HECTD4: variants seen among roughly 807,000 people sequenced by gnomAD.
HECTD4 encodes HECT domain E3 ubiquitin protein ligase 4.
In HECTD4, 114 loss-of-function variants were observed where a neutral mutation model predicts 471.5. The observed-to-expected ratio is 0.24, with a 90% confidence interval of 0.21 to 0.28. HECTD4 has a LOEUF of 0.28. HECTD4 is among the 10% of genes least tolerant of loss of function. The pLI, the probability that HECTD4 is intolerant of heterozygous loss-of-function variation, is 1.00. For synonymous variants in HECTD4, 2,012 were observed against 2,256.0 expected (o/e 0.89, Z 3.07); for missense variants, 3,866 against 5,651.5 (o/e 0.68, Z 10.13).
Position 112,194,340 on chromosome 12 carries a change from C to T in HECTD4, c.8749+545G>A, listed in dbSNP as rs1346578961. Among the ~76,000 whole-genome samples, 3 of 152,110 alleles carry T rather than the reference C, an allele frequency of 2.0e-5. No homozygotes were observed. The highest frequency in any genetic ancestry group is 1.3e-4 in the Admixed American group (2 of 15,280). ...GTTCCCATCTTAGTTGCTGGGAGAT[C>T]GAGGCGGCAGGCTGGAGGCTGAGAT... On this transcript the variant is annotated intron_variant, in intron 56 of 75. Transcript: ENST00000682272. This position sits in a 1 kb window ranked among gnomAD's most constrained non-coding sequence, Gnocchi z 4.6.
chr12:112,371,491 C>T (rs1383596684), intron 1 of HECTD4, among the ~76,000 whole-genome samples: 1 of 152,036 alleles, frequency 6.6e-6, no homozygotes, highest in Non-Finnish European at 1.5e-5. Flanking sequence ...AGAAGAATAG[C>T]TTGAACCCAA....
Position 112,163,120 on chromosome 12 carries a change from G to A in HECTD4, c.13042C>T (p.Pro4348Ser). The A allele has an allele frequency of 6.2e-7, 1 of 1,613,988 alleles. No homozygotes were observed. Among genetic ancestry groups the A allele is most frequent in the Non-Finnish European group, 8.5e-7 (1 of 1,179,878 alleles). ...CNQERIPFTC[P>S]CKDGGPDTAH... is the part of the protein sequence containing the mutation. Reference sequence around the variant, plus strand: ...GTGTCGGGACCCCCATCTTTGCAGGGGCAGGTGAACGGGATGCGCTCCTGG... The same window carrying A: ...GTGTCGGGACCCCCATCTTTGCAGGAGCAGGTGAACGGGATGCGCTCCTGG... Residue 4348 changes from proline to serine, a missense_variant, in exon 75 of 76, where the codon CCC becomes TCC. This residue lies in a region of HECTD4 where 715 missense variants were observed against 1,087.6 expected (regional missense o/e 0.66). Coordinates refer to ENST00000682272, the MANE Select transcript of HECTD4 (RefSeq NM_001388303.1). This position sits in a 1 kb window ranked among gnomAD's most constrained non-coding sequence, Gnocchi z 8.2.
chr12:112,365,036 T>C (rs2036532251), intron 1 of HECTD4, among the ~76,000 whole-genome samples: 1 of 152,230 alleles, frequency 6.6e-6, no homozygotes, highest in Non-Finnish European at 1.5e-5. Context: ...AAACAGCTAG[T>C]TGGCTGGATA....
intron 22 of HECTD4, among the ~76,000 whole-genome samples, 192 bp from the exon 23 acceptor site, chr12:112,252,720 G>A (rs761088351): frequency 3.2e-4 from 49 of 152,100 alleles, no homozygotes; most frequent in Non-Finnish European, 6.3e-4. Context: ...CTCTCCTGAT[G>A]AGGTCGCCTT....
At chr12:112,302,579 G>C in intron 7 of HECTD4, 2 of 676,474 alleles carry the variant, frequency 3.0e-6, no homozygotes, top group Non-Finnish European at 5.4e-6. Flanking sequence ...TTCTCAAACA[G>C]GGAATTCACC....
At chr12:112,270,976 G>A (rs1402469070) in intron 11 of HECTD4, among the ~76,000 whole-genome samples, 2 of 152,098 alleles carry the variant, frequency 1.3e-5, no homozygotes, top group African/African-American at 2.4e-5. Flanking sequence ...GAAAATGCCC[G>A]TTAGATAACC....
intron 1 of HECTD4, among the ~76,000 whole-genome samples, chr12:112,328,302 C>A: frequency 6.6e-6 from 1 of 152,010 alleles, no homozygotes. Context: ...CTATGCCTAG[C>A]TAATTTAAAC....
intron 1 of HECTD4, among the ~76,000 whole-genome samples, chr12:112,354,208 G>A (rs1444499969): frequency 3.3e-5 from 5 of 152,038 alleles, no homozygotes; most frequent in East Asian, 1.9e-4. Context: ...GAGTAGGCAC[G>A]TACTACCGTG....
At chr12:112,338,548 A>C (rs1566117017) in intron 1 of HECTD4, among the ~76,000 whole-genome samples, 1 of 152,108 alleles carries the variant, frequency 6.6e-6, no homozygotes, top group Admixed American at 6.6e-5. Context: ...TGAACCCAGG[A>C]GGCGCAGGTT....
intron 1 of HECTD4, among the ~76,000 whole-genome samples, chr12:112,332,258 C>T (rs1460053359): frequency 6.6e-6 from 1 of 152,026 alleles, no homozygotes; most frequent in Non-Finnish European, 1.5e-5. Context: ...TGGGGCAGGG[C>T]GCGGTGGCTC....
Position 112,163,079 on chromosome 12 carries a change from C to T in HECTD4, c.13083G>A (p.Pro4361=), listed in dbSNP as rs183882784. ...DGGPDTAHVP[P]YPMKIAPPDG... ...CTGGGGGGGCGATCTTCATGGGGTA[C>T]GGGGGCACATGGGCAGTGTCGGGAC... The change falls in exon 75 of 76, where the codon CCG becomes CCA. Residue 4361 remains proline, a synonymous_variant. Transcript: ENST00000682272. The surrounding 1 kb of genome is among the most constrained non-coding windows in gnomAD (Gnocchi z 8.2). 11,047 of 1,613,118 alleles carry T rather than the reference C, an allele frequency of 6.8e-3. 61 individuals are homozygous for T. The highest frequency in any genetic ancestry group is 7.8e-3 in the Middle Eastern group (47 of 6,056).
At chr12:112,167,955 C>A (rs1456254805) in intron 70 of HECTD4, 38 bp from the exon 71 acceptor site, 18 of 1,542,668 alleles carry the variant, frequency 1.2e-5, no homozygotes, top group Non-Finnish European at 1.6e-5. Context: ...CCTGGGGTGT[C>A]CCGGCGGGAG....
intron 4 of HECTD4, among the ~76,000 whole-genome samples, chr12:112,311,990 G>T (rs2035382826): frequency 6.6e-6 from 1 of 152,170 alleles, no homozygotes; most frequent in East Asian, 1.9e-4. Context: ...TAGAAGAAAT[G>T]GTAGACCATG....
chr12:112,246,948 T>G lies in HECTD4; in HGVS notation c.4466A>C (p.Gln1489Pro). Residue 1489 changes from glutamine to proline, a missense_variant, in exon 29 of 76, where the codon CAG (glutamine) becomes CCG (proline). By Grantham distance (76) the Gln-to-Pro change is moderately conservative. Transcript: ENST00000682272. The part of the protein sequence containing the change: ...ELLLHVTIAA[Q>P]SGLTRSISGT... ...AGAGATGCTTCTCGTGAGGCCCGACTGGGCTGCGATGGTGACATGCAGCAA... is the reference window on the plus strand; with the variant it reads ...AGAGATGCTTCTCGTGAGGCCCGACGGGGCTGCGATGGTGACATGCAGCAA... 1 of 1,612,286 alleles carries G rather than the reference T, an allele frequency of 6.2e-7. No individual in the cohort carries two copies. Among genetic ancestry groups the G allele is most frequent in the Non-Finnish European group, 8.5e-7 (1 of 1,179,858 alleles).
At chr12:112,278,362 C>G (rs764556216) in intron 9 of HECTD4, among the ~76,000 whole-genome samples, 51 of 152,202 alleles carry the variant, frequency 3.4e-4, no homozygotes, top group South Asian at 1.5e-3. Flanking sequence ...TTCAATAAAG[C>G]CACCGCCCCC....
At chr12:112,377,984 G>A (rs1396774583) in intron 1 of HECTD4, among the ~76,000 whole-genome samples, 2 of 152,200 alleles carry the variant, frequency 1.3e-5, no homozygotes, top group African/African-American at 2.4e-5. Context: ...CTACTTCTTA[G>A]GAGGGATTCT....
Position 112,161,300 on chromosome 12 carries a change from C to T in HECTD4, c.*1087G>A. 6.6e-6 allele frequency: 1 copy of T among 152,254 alleles called. No individual in the cohort carries two copies. Among genetic ancestry groups the T allele is most frequent in the East Asian group, 1.9e-4 (1 of 5,190 alleles). The allele number at this position is 152,254 out of a possible 1,614,324, so 9.4% of individuals were successfully genotyped here. On this transcript the variant is annotated 3_prime_UTR_variant, in exon 76 of 76. Transcript: ENST00000682272. ...AGGCAGCTCAGCCCTGGCATACACA[C>T]TTACATGGGGTGATGGGGAGTGCTG...
intron 1 of HECTD4, among the ~76,000 whole-genome samples, chr12:112,341,262 G>C (rs1315729580): frequency 6.6e-6 from 1 of 152,122 alleles, no homozygotes; most frequent in Non-Finnish European, 1.5e-5. Context: ...GCTACAGAAG[G>C]AGCAACAGAC....
intron 1 of HECTD4, among the ~76,000 whole-genome samples, chr12:112,348,792 T>G (rs1399322791): frequency 2.0e-5 from 3 of 152,084 alleles, no homozygotes; most frequent in African/African-American, 7.2e-5. Flanking sequence ...TGAAAAAATA[T>G]ATAAATAAAT....
Sources: gnomAD v4.1 joint callset for allele counts (sites outside exome capture counted in the v4.1 genomes callset) on GRCh38, gnomAD v4.1.1 for gene constraint, gnomAD v4.1.1 regional missense constraint, Gnocchi (gnomAD v3.1) non-coding constraint, MANE v1.5 for transcripts, NCBI Gene and HGNC (gene_info 2026-07-23, HGNC 2026-07-21) for gene names.